Variants in PDE4D observed in about 807,000 individuals in gnomAD.
PDE4D encodes phosphodiesterase 4D.
A neutral mutation model predicts 87.4 loss-of-function variants in PDE4D; 24 were observed. That is an observed-to-expected ratio of 0.27 (90% confidence interval 0.20 to 0.39). The LOEUF is 0.39. Among genes scored for constraint, PDE4D ranks in the 10% least tolerant of loss-of-function variants. PDE4D has a pLI of 1.00. For missense variants in PDE4D, 714 were observed against 1,041.0 expected, an observed-to-expected ratio of 0.69 and a Z score of 4.32; for synonymous variants, 384 against 383.2, an observed-to-expected ratio of 1.00 and a Z score of -0.02.
intron 1 of PDE4D, among the ~76,000 whole-genome samples, chr5:59,241,069 T>C (rs921843280): frequency 5.3e-5 from 8 of 152,170 alleles, no homozygotes; most frequent in African/African-American, 1.9e-4. Context: ...AAATGCTTTG[T>C]ACATTTTTGT....
At chr5:58,978,005 A>G (rs1203534613) in intron 11 of PDE4D, among the ~76,000 whole-genome samples, 9 of 152,122 alleles carry the variant, frequency 5.9e-5, no homozygotes, top group African/African-American at 2.2e-4. Flanking sequence ...CCTCTGGTGA[A>G]GATTCTGCCA....
intron 1 of PDE4D, among the ~76,000 whole-genome samples, chr5:59,508,123 T>G (rs1028261908): frequency 7.9e-5 from 12 of 152,128 alleles, no homozygotes; most frequent in South Asian, 2.1e-4. Flanking sequence ...TTTTTTTGTT[T>G]TTTTCCTGAA....
intron 1 of PDE4D, among the ~76,000 whole-genome samples, chr5:59,793,283 G>A (rs1766037322): frequency 6.6e-6 from 1 of 152,308 alleles, no homozygotes; most frequent in South Asian, 2.1e-4. Flanking sequence ...CTGGAATTTT[G>A]GATTTTGTGC....
intron 1 of PDE4D, among the ~76,000 whole-genome samples, chr5:59,599,103 G>A (rs747924683): frequency 6.6e-5 from 10 of 152,002 alleles, no homozygotes; most frequent in Admixed American, 2.0e-4. Context: ...GGGGAAGCAC[G>A]CAAGAAAGAT....
intron 1 of PDE4D, among the ~76,000 whole-genome samples, chr5:60,315,690 C>T (rs1375036204): frequency 6.6e-6 from 1 of 152,212 alleles, no homozygotes; most frequent in African/African-American, 2.4e-5. Flanking sequence ...GATCCAGTTT[C>T]AGCTTTCTAC....
intron 1 of PDE4D, among the ~76,000 whole-genome samples, chr5:59,467,196 A>G (rs1174637997): frequency 6.6e-6 from 1 of 152,162 alleles, no homozygotes; most frequent in Non-Finnish European, 1.5e-5. Flanking sequence ...AATTCCTACT[A>G]TTTACGCTTG....
intron 2 of PDE4D, among the ~76,000 whole-genome samples, chr5:60,055,337 AAAGT>A (rs1303030694): frequency 1.3e-5 from 2 of 152,122 alleles, no homozygotes; most frequent in Admixed American, 6.6e-5. Flanking sequence ...GCAAGGAAAG[AAAGT>A]AAGTGGGGTC....
chr5:59,483,283 T>C (rs958169360), intron 1 of PDE4D, among the ~76,000 whole-genome samples: 7 of 152,150 alleles, frequency 4.6e-5, no homozygotes, highest in African/African-American at 1.7e-4. Flanking sequence ...TCTCTTTCTA[T>C]GTATGCATAT....
chr5:60,204,118 G>A (rs189584765), intron 1 of PDE4D, among the ~76,000 whole-genome samples: 1 of 152,158 alleles, frequency 6.6e-6, no homozygotes, highest in Non-Finnish European at 1.5e-5. Context: ...GGGTAAGCAG[G>A]CAGGAAACAG....
chr5:60,342,705 A>G (rs889040167), intron 1 of PDE4D, among the ~76,000 whole-genome samples: 1 of 150,056 alleles, frequency 6.7e-6, no homozygotes, highest in Non-Finnish European at 1.5e-5. Flanking sequence ...GAAAAAAAAA[A>G]GACTGACAAT....
chr5:59,656,003 C>A (rs1252546126), intron 1 of PDE4D, among the ~76,000 whole-genome samples: 3 of 151,972 alleles, frequency 2.0e-5, no homozygotes, highest in Non-Finnish European at 2.9e-5. Context: ...TTTACTTCCC[C>A]CCTCCTCCTA....
chr5:59,794,844 A>G (rs1766275353), intron 1 of PDE4D, among the ~76,000 whole-genome samples: 2 of 152,194 alleles, frequency 1.3e-5, no homozygotes, highest in Non-Finnish European at 2.9e-5. Context: ...AAATCCAAGA[A>G]TGAATGAAAG....
intron 1 of PDE4D, among the ~76,000 whole-genome samples, chr5:59,758,441 G>C (rs747803906): frequency 6.6e-6 from 1 of 152,142 alleles, no homozygotes; most frequent in Non-Finnish European, 1.5e-5. Context: ...AACTTTTCAA[G>C]ATCTCCTTTT....
intron 1 of PDE4D, chr5:60,430,047 T>A (rs1178720921): frequency 1.9e-6 from 1 of 523,324 alleles, no homozygotes; most frequent in Non-Finnish European, 3.8e-6. Context: ...AGACGTTGCT[T>A]ATTCCTTTGG....
intron 2 of PDE4D, among the ~76,000 whole-genome samples, chr5:60,062,363 T>C (rs374951143): frequency 6.6e-6 from 1 of 152,094 alleles, no homozygotes; most frequent in Non-Finnish European, 1.5e-5. Flanking sequence ...CACAATGAGA[T>C]ACCATCTCAC....
At chr5:59,121,642 A>G (rs1294044586) in intron 5 of PDE4D, among the ~76,000 whole-genome samples, 1 of 152,202 alleles carries the variant, frequency 6.6e-6, no homozygotes, top group African/African-American at 2.4e-5. Flanking sequence ...TACAGCCACT[A>G]TGAAAACCAG....
chr5:59,291,541 A>C (rs981129593), intron 1 of PDE4D, among the ~76,000 whole-genome samples: 1 of 151,958 alleles, frequency 6.6e-6, no homozygotes, highest in Non-Finnish European at 1.5e-5. Context: ...ATAGTTAACA[A>C]TTTATTGTAT....
At chr5:59,023,048 G>A (rs986962140) in intron 6 of PDE4D, among the ~76,000 whole-genome samples, 7 of 151,828 alleles carry the variant, frequency 4.6e-5, no homozygotes, top group African/African-American at 7.3e-5. Context: ...GGTGGCAGGC[G>A]CCTGTAATCC....
intron 1 of PDE4D, among the ~76,000 whole-genome samples, chr5:59,593,469 C>T (rs10491442): frequency 0.076 from 11,585 of 152,212 alleles, 600 homozygotes; most frequent in Admixed American, 0.14. Context: ...GATGACAGTT[C>T]TTCTATCACT....
Sources: gnomAD v4.1 joint callset for allele counts (sites outside exome capture counted in the v4.1 genomes callset) on GRCh38, gnomAD v4.1.1 for gene constraint, MANE v1.5 for transcripts, NCBI Gene and HGNC (gene_info 2026-07-23, HGNC 2026-07-21) for gene names.